DGKI: variants seen among roughly 807,000 people sequenced by gnomAD.
DGKI encodes DAG kinase iota.
A neutral mutation model predicts 147.5 loss-of-function variants in DGKI; 55 were observed. That is an observed-to-expected ratio of 0.37 (90% confidence interval 0.30 to 0.47). DGKI has a LOEUF of 0.47. Among genes scored for constraint, DGKI ranks in the 20% least tolerant of loss-of-function variants. DGKI has a pLI of 1.00. For synonymous variants in DGKI, 469 were observed against 477.1 expected, an observed-to-expected ratio of 0.98 and a Z score of 0.22; for missense variants, 1,007 against 1,323.8, an observed-to-expected ratio of 0.76 and a Z score of 3.71.
intron 2 of DGKI, among the ~76,000 whole-genome samples, chr7:137,682,799 G>C (rs1165345166): frequency 3.3e-5 from 5 of 152,070 alleles, no homozygotes. Context: ...ATGATTTTTT[G>C]TCTTACTGGT....
At chr7:137,590,039 A>C (rs138962200) in intron 12 of DGKI, among the ~76,000 whole-genome samples, 24 of 152,164 alleles carry the variant, frequency 1.6e-4, no homozygotes, top group Non-Finnish European at 3.2e-4. Flanking sequence ...AAGAAAGAAA[A>C]AAAAAAAAGA....
At chr7:137,564,501 A>C (rs1178932085) in intron 19 of DGKI, among the ~76,000 whole-genome samples, 2 of 152,164 alleles carry the variant, frequency 1.3e-5, no homozygotes, top group East Asian at 1.9e-4. Flanking sequence ...TCCAGAATAT[A>C]TCTCTTCTAT....
intron 28 of DGKI, among the ~76,000 whole-genome samples, chr7:137,413,244 C>T (rs1259569185): frequency 3.9e-5 from 5 of 129,848 alleles, no homozygotes; most frequent in South Asian, 4.7e-4. Context: ...CCTGCCCAGG[C>T]GACAGAGTGA....
At chr7:137,750,713 G>C (rs1349810551) in intron 1 of DGKI, among the ~76,000 whole-genome samples, 1 of 152,156 alleles carries the variant, frequency 6.6e-6, no homozygotes, top group East Asian at 1.9e-4. Context: ...AGGCAACGGG[G>C]AGAAGACAGA....
chr7:137,726,827 T>C (rs1019916784), intron 1 of DGKI, among the ~76,000 whole-genome samples: 3 of 152,244 alleles, frequency 2.0e-5, no homozygotes, highest in African/African-American at 7.2e-5. Context: ...AAGATTATGA[T>C]ATATCACTTC....
chr7:137,404,756 T>C (rs1261852009), intron 30 of DGKI, among the ~76,000 whole-genome samples: 1 of 152,056 alleles, frequency 6.6e-6, no homozygotes, highest in African/African-American at 2.4e-5. Flanking sequence ...ACTGGAAAAA[T>C]AAGCACCCCC....
At position 137,483,717 on chromosome 7, in the gene DGKI, T is replaced by C. The variant is rs187247714; in HGVS notation, c.2373+1657A>G. Among the ~76,000 whole-genome samples the C allele has an allele frequency of 5.4e-4, 82 of 152,168 alleles. 1 individual carries two copies. The highest frequency in any genetic ancestry group is 9.3e-4 in the Non-Finnish European group (63 of 67,988). ...TGGTGTTTGGTTGTCTGTTCTTGCA[T>C]AAGTTTGCTGAGGATAATGGCTTCC... On this transcript the variant is annotated intron_variant, in intron 23 of 32. Coordinates refer to ENST00000614521, the MANE Select transcript of DGKI (RefSeq NM_001321708.2).
intron 10 of DGKI, 78 bp from the exon 11 acceptor site, chr7:137,599,983 A>C: frequency 8.1e-7 from 1 of 1,235,466 alleles, no homozygotes. Context: ...AAAAATAAAT[A>C]CTTTTATTTA....
intron 1 of DGKI, among the ~76,000 whole-genome samples, chr7:137,711,604 T>C (rs1024736779): frequency 2.0e-5 from 3 of 151,760 alleles, no homozygotes; most frequent in Admixed American, 2.0e-4. Context: ...GCACAGAATT[T>C]GCAGTCAGAC....
intron 1 of DGKI, among the ~76,000 whole-genome samples, chr7:137,778,702 A>G (rs1796435575): frequency 6.6e-6 from 1 of 152,216 alleles, no homozygotes; most frequent in Non-Finnish European, 1.5e-5. Context: ...GAAATTTGCA[A>G]GTTTGCAAAT....
At chr7:137,643,731 T>TG (rs1229500541) in intron 6 of DGKI, among the ~76,000 whole-genome samples, 1 of 152,202 alleles carries the variant, frequency 6.6e-6, no homozygotes, top group African/African-American at 2.4e-5. Flanking sequence ...CAGTTCTTCC[T>TG]GTTCAGTTGA....
intron 1 of DGKI, among the ~76,000 whole-genome samples, chr7:137,711,839 G>A (rs907866841): frequency 2.6e-5 from 4 of 151,258 alleles, no homozygotes; most frequent in Non-Finnish European, 5.9e-5. Flanking sequence ...GATTACAGGC[G>A]CCCACCAACA....
intron 1 of DGKI, among the ~76,000 whole-genome samples, chr7:137,746,112 G>C (rs1041307801): frequency 1.3e-5 from 2 of 152,214 alleles, no homozygotes; most frequent in African/African-American, 2.4e-5. Context: ...TGTATGTGCA[G>C]AGATAGGGGT....
chr7:137,498,689 G>A (rs1816058935), intron 21 of DGKI, among the ~76,000 whole-genome samples: 1 of 152,128 alleles, frequency 6.6e-6, no homozygotes, highest in South Asian at 2.1e-4. Context: ...AAGTGCAAGA[G>A]TTGAATGAAG....
rs570172501 is a variant in DGKI at position 137,799,431 on chromosome 7, A to C, written c.401+47031T>G. On this transcript the variant is annotated intron_variant, in intron 1 of 32. Coordinates refer to ENST00000614521, the MANE Select transcript of DGKI (RefSeq NM_001321708.2). ...AGATTGCCAAGAAAGTAGTGATGAT[A>C]GTCAAACTCTGTGAACACACTAAAA... 2.5e-4 allele frequency among the ~76,000 whole-genome samples: 38 copies of C among 152,318 alleles called. No homozygotes were observed. In the East Asian group the frequency reaches 6.9e-3, roughly 28 times the overall value.
At chr7:137,497,108 CAA>C (rs57051537) in intron 21 of DGKI, among the ~76,000 whole-genome samples, 1,519 of 123,242 alleles carry the variant, frequency 0.012, 25 homozygotes, top group African/African-American at 0.039. Context: ...AACAAATTTA[CAA>C]AAAAAAAAAA....
chr7:137,589,489 T>C (rs867444127), intron 12 of DGKI, among the ~76,000 whole-genome samples: 5 of 152,332 alleles, frequency 3.3e-5, no homozygotes, highest in Middle Eastern at 3.4e-3. Context: ...CTTTAGTCTC[T>C]TCTTTTACGT....
At chr7:137,402,020 G>C (rs1811778991) in intron 30 of DGKI, among the ~76,000 whole-genome samples, 1 of 152,178 alleles carries the variant, frequency 6.6e-6, no homozygotes, top group South Asian at 2.1e-4. Context: ...ATGAGTTTTG[G>C]CAAGGAACCT....
At chr7:137,672,365 G>A (rs6969979) in intron 3 of DGKI, among the ~76,000 whole-genome samples, 2,824 of 152,280 alleles carry the variant, frequency 0.019, 53 homozygotes, top group African/African-American at 0.046. Context: ...TGAACAGCCC[G>A]ATATGACCAC....
Sources: gnomAD v4.1 joint callset for allele counts (sites outside exome capture counted in the v4.1 genomes callset) on GRCh38, gnomAD v4.1.1 for gene constraint, MANE v1.5 for transcripts, NCBI Gene and HGNC (gene_info 2026-07-23, HGNC 2026-07-21) for gene names.